TMEM117: variants seen among roughly 807,000 people sequenced by gnomAD.
TMEM117 encodes the protein transmembrane protein 117.
A neutral mutation model predicts 52.4 loss-of-function variants in TMEM117; 27 were observed. That is an observed-to-expected ratio of 0.51 (90% CI 0.38 to 0.71). The LOEUF is 0.71. Among genes scored for constraint, TMEM117 ranks in the 30% least tolerant of loss-of-function variants. The pLI is 0.00. For synonymous variants in TMEM117, 215 were observed against 206.3 expected, an observed-to-expected ratio of 1.04 and a Z score of -0.36; for missense variants, 556 against 630.5, an observed-to-expected ratio of 0.88 and a Z score of 1.26.
intron 2 of TMEM117, among the ~76,000 whole-genome samples, chr12:43,872,344 A>C (rs1229262956): frequency 7.5e-6 from 1 of 133,196 alleles, no homozygotes; most frequent in Non-Finnish European, 1.6e-5. Context: ...CACGAATACT[A>C]TTCTAAAAAT....
At chr12:44,121,123 A>G (rs1592534704) in intron 3 of TMEM117, among the ~76,000 whole-genome samples, 1 of 152,172 alleles carries the variant, frequency 6.6e-6, no homozygotes. Flanking sequence ...TGTGAGACTT[A>G]TTCACTATCA....
At chr12:44,286,220 A>G (rs1013000416) in intron 5 of TMEM117, among the ~76,000 whole-genome samples, 1 of 151,790 alleles carries the variant, frequency 6.6e-6, no homozygotes, top group Non-Finnish European at 1.5e-5. Context: ...ACTGTGCAGC[A>G]TGAACATAAG....
At chr12:44,376,749 T>C in intron 7 of TMEM117, 25 bp downstream of exon 7, 1 of 1,573,648 alleles carries the variant, frequency 6.4e-7, no homozygotes, top group Non-Finnish European at 8.6e-7. Context: ...TGAACACAAT[T>C]TGATTATCTT....
chr12:43,810,488 T>A, the TMEM117 span, among the ~76,000 whole-genome samples: 2 of 152,180 alleles, frequency 1.3e-5, no homozygotes, highest in Admixed American at 1.3e-4. Context: ...CACAGGCCAC[T>A]CCAGACTTTC....
At chr12:44,073,055 A>C (rs1400940903) in intron 3 of TMEM117, among the ~76,000 whole-genome samples, 1 of 151,492 alleles carries the variant, frequency 6.6e-6, no homozygotes, top group Non-Finnish European at 1.5e-5. Flanking sequence ...GTACTACTGC[A>C]CTCCAGCCTG....
chr12:44,190,140 A>C (rs1245836902), intron 4 of TMEM117, among the ~76,000 whole-genome samples: 1 of 152,188 alleles, frequency 6.6e-6, no homozygotes, highest in East Asian at 1.9e-4. Flanking sequence ...AAGAATGGCC[A>C]TTTTTGTTCT....
intron 2 of TMEM117, among the ~76,000 whole-genome samples, chr12:43,878,580 G>T (rs1314019989): frequency 1.3e-5 from 2 of 152,152 alleles, no homozygotes; most frequent in African/African-American, 2.4e-5. Context: ...GACAACAATA[G>T]GTTGTAGCTA....
At chr12:44,385,684 G>A (rs1353479247) in intron 7 of TMEM117, among the ~76,000 whole-genome samples, 2 of 152,142 alleles carry the variant, frequency 1.3e-5, no homozygotes, top group Non-Finnish European at 2.9e-5. Flanking sequence ...GTCTGGCTTT[G>A]TAACATGTAC....
At chr12:44,071,598 T>G (rs1947303819) in intron 3 of TMEM117, among the ~76,000 whole-genome samples, 1 of 152,190 alleles carries the variant, frequency 6.6e-6, no homozygotes, top group African/African-American at 2.4e-5. Flanking sequence ...CAATCAGTAT[T>G]CAACCAAAAA....
At chr12:44,095,601 G>A (rs1592511394) in intron 3 of TMEM117, among the ~76,000 whole-genome samples, 1 of 152,032 alleles carries the variant, frequency 6.6e-6, no homozygotes, top group Non-Finnish European at 1.5e-5. Context: ...AGAGAAAGTT[G>A]CAGAGAAAAA....
chr12:44,176,905 C>T (rs1297626721), intron 4 of TMEM117, among the ~76,000 whole-genome samples: 2 of 151,928 alleles, frequency 1.3e-5, no homozygotes, highest in Non-Finnish European at 2.9e-5. Flanking sequence ...AAGAGGGTAA[C>T]AGTGTTAAGA....
intron 5 of TMEM117, chr12:44,244,488 T>C (rs1045554926): frequency 2.6e-5 from 4 of 152,022 alleles, no homozygotes; most frequent in African/African-American, 9.6e-5. Flanking sequence ...GGCAAACTAA[T>C]GTGTTTGTCT....
chr12:43,832,145 A>G (rs1323058132), upstream of TMEM117, among the ~76,000 whole-genome samples: 2 of 152,220 alleles, frequency 1.3e-5, no homozygotes, highest in Admixed American at 6.5e-5. Flanking sequence ...TGGAACTTCT[A>G]TCTGTACCCT....
At chr12:44,013,471 GAT>G (rs1946327373) in intron 3 of TMEM117, among the ~76,000 whole-genome samples, 1 of 152,154 alleles carries the variant, frequency 6.6e-6, no homozygotes, top group South Asian at 2.1e-4. Flanking sequence ...GTTAGGCTCT[GAT>G]AAAATTCCAA....
At position 44,258,107 on chromosome 12, in the gene TMEM117, C is replaced by T. The variant is rs1002551424; in HGVS notation, c.609-41473C>T. On this transcript the variant is annotated intron_variant, in intron 5 of 7. Coordinates refer to ENST00000266534, the MANE Select transcript of TMEM117 (RefSeq NM_032256.3). Reference sequence around the variant, plus strand: ...ATCTTTTCCCAAGGAATTTCTTTATCTTGGCTTAGCTTTGAATTCAACTCT... The same window carrying T: ...ATCTTTTCCCAAGGAATTTCTTTATTTTGGCTTAGCTTTGAATTCAACTCT... 4.6e-5 allele frequency among the ~76,000 whole-genome samples: 7 copies of T among 152,130 alleles called. No individual in the cohort carries two copies. The South Asian group carries it at 1.5e-3, about 32-fold the overall frequency.
At chr12:44,144,497 G>T (rs995662144) in intron 4 of TMEM117, among the ~76,000 whole-genome samples, 5 of 152,212 alleles carry the variant, frequency 3.3e-5, no homozygotes, top group Non-Finnish European at 5.9e-5. Flanking sequence ...GCATGGACAT[G>T]TCCCTGCAGA....
At chr12:44,373,843 G>A (rs1485960864) in intron 6 of TMEM117, among the ~76,000 whole-genome samples, 1 of 140,364 alleles carries the variant, frequency 7.1e-6, no homozygotes, top group African/African-American at 2.7e-5. Flanking sequence ...GTACAGTGGT[G>A]CGATCTCGGC....
intron 5 of TMEM117, among the ~76,000 whole-genome samples, chr12:44,249,281 A>T (rs1176503142): frequency 2.6e-5 from 4 of 152,156 alleles, no homozygotes; most frequent in African/African-American, 9.7e-5. Flanking sequence ...TTATTATTCT[A>T]GGCTGAGGTC....
At chr12:44,295,942 C>G (rs1950763581) in intron 5 of TMEM117, among the ~76,000 whole-genome samples, 1 of 152,180 alleles carries the variant, frequency 6.6e-6, no homozygotes, top group Non-Finnish European at 1.5e-5. Flanking sequence ...TTTGAAGGAA[C>G]AAATACCTGT....
Sources: gnomAD v4.1 joint callset for allele counts (sites outside exome capture counted in the v4.1 genomes callset) on GRCh38, gnomAD v4.1.1 for gene constraint, MANE v1.5 for transcripts, NCBI Gene and HGNC (gene_info 2026-07-23, HGNC 2026-07-21) for gene names.